Variants in LMBRD1 observed in about 807,000 individuals in gnomAD.
LMBRD1 encodes lysosomal cobalamin transport escort protein LMBD1.
LMBRD1 carries 64 observed loss-of-function variants against 74.8 expected under a neutral mutation model. That is an observed-to-expected ratio of 0.86 (90% CI 0.70 to 1.05). The LOEUF (loss-of-function observed/expected upper bound fraction) is 1.05, where lower values mean the gene tolerates loss of function less well. Among genes scored for constraint, LMBRD1 ranks in the 50% least tolerant of loss-of-function variants. The pLI is 0.00. For missense variants in LMBRD1, 652 were observed against 645.9 expected (o/e 1.01, Z -0.10); for synonymous variants, 204 against 216.3 (o/e 0.94, Z 0.50).
intron 5 of LMBRD1, among the ~76,000 whole-genome samples, chr6:69,745,569 A>C (rs1582115679): frequency 6.6e-6 from 1 of 152,296 alleles, no homozygotes; most frequent in Non-Finnish European, 1.5e-5. Flanking sequence ...AAAATTTCTT[A>C]AACATGGCAT....
chr6:69,762,478 C>T (rs753122830), intron 3 of LMBRD1, among the ~76,000 whole-genome samples: 1 of 151,388 alleles, frequency 6.6e-6, no homozygotes, highest in Non-Finnish European at 1.5e-5. Context: ...AAGGAAGTTA[C>T]AAACTGTTTT....
intron 7 of LMBRD1, among the ~76,000 whole-genome samples, chr6:69,736,204 C>T (rs773940658): frequency 8.5e-5 from 13 of 152,230 alleles, no homozygotes; most frequent in Non-Finnish European, 1.9e-4. Flanking sequence ...CCCCCTCCGC[C>T]GACCCACCAC....
At chr6:69,731,775 A>G (rs1766863812) in intron 7 of LMBRD1, among the ~76,000 whole-genome samples, 1 of 152,120 alleles carries the variant, frequency 6.6e-6, no homozygotes, top group South Asian at 2.1e-4. Context: ...TCAACTTACG[A>G]TGGATTTAAC....
Position 69,675,841 on chromosome 6 carries a change from G to C in LMBRD1, c.*317C>G, listed in dbSNP as rs1223209581. 4 of 293,798 alleles carry C rather than the reference G, an allele frequency of 1.4e-5. No individual in the cohort carries two copies. In the East Asian group the frequency reaches 3.2e-4, roughly 24 times the overall value. The allele number at this position is 293,798 out of a possible 1,614,324, so 18.2% of individuals were successfully genotyped here. A position where few individuals can be genotyped will look rare whatever the true frequency, so the allele number is the denominator to read the frequency against. ...AGATGATTTATTATGTTTTCAAAAA[G>C]TGACAAAAGGGAATATTAATTCTGG... is the stretch of plus-strand genomic sequence containing the variant. On this transcript the variant is annotated 3_prime_UTR_variant, in exon 16 of 16. Transcript: ENST00000649934.
chr6:69,688,036 T>C (rs2149838053), intron 14 of LMBRD1, among the ~76,000 whole-genome samples: 1 of 152,236 alleles, frequency 6.6e-6, no homozygotes, highest in African/African-American at 2.4e-5. Context: ...AGGAGCAATC[T>C]AGCACCATTT....
At chr6:69,771,714 T>C (rs983318024) in intron 3 of LMBRD1, among the ~76,000 whole-genome samples, 1 of 152,166 alleles carries the variant, frequency 6.6e-6, no homozygotes, top group African/African-American at 2.4e-5. Context: ...CTGAATTACA[T>C]GGGAAGCTAC....
At chr6:69,778,802 T>C (rs1487265748) in intron 3 of LMBRD1, among the ~76,000 whole-genome samples, 1 of 152,166 alleles carries the variant, frequency 6.6e-6, no homozygotes, top group Non-Finnish European at 1.5e-5. Context: ...TGAAATTTCA[T>C]AAATACTAAA....
At chr6:69,754,439 G>A (rs1190618751) in intron 3 of LMBRD1, among the ~76,000 whole-genome samples, 1 of 152,098 alleles carries the variant, frequency 6.6e-6, no homozygotes, top group Non-Finnish European at 1.5e-5. Flanking sequence ...CCTACTACAT[G>A]CAATACAGAT....
chr6:69,750,289 GCT>G (rs1765098171), intron 4 of LMBRD1, among the ~76,000 whole-genome samples: 1 of 151,628 alleles, frequency 6.6e-6, no homozygotes, highest in African/African-American at 2.4e-5. Flanking sequence ...ACATAAGGAA[GCT>G]TAAGTCCAGA....
chr6:69,780,600 G>A, intron 2 of LMBRD1, 46 bp from the exon 3 acceptor site: 2 of 1,427,708 alleles, frequency 1.4e-6, no homozygotes, highest in Non-Finnish European at 2.0e-6. Flanking sequence ...ACACCCATTT[G>A]CCTAACAATT....
chr6:69,703,240 C>A (rs995641002), intron 9 of LMBRD1, among the ~76,000 whole-genome samples: 1 of 151,862 alleles, frequency 6.6e-6, no homozygotes, highest in African/African-American at 2.4e-5. Flanking sequence ...TTTTTTTCTA[C>A]TGGATTCAGG....
chr6:69,681,050 A>G (rs910027670), intron 14 of LMBRD1, among the ~76,000 whole-genome samples: 1 of 152,110 alleles, frequency 6.6e-6, no homozygotes. Flanking sequence ...TATTCCAGAA[A>G]CTTCTGACTG....
At chr6:69,765,667 T>TTTATTA (rs1373224176) in intron 3 of LMBRD1, among the ~76,000 whole-genome samples, 1 of 152,170 alleles carries the variant, frequency 6.6e-6, no homozygotes, top group African/African-American at 2.4e-5. Context: ...TCTGTGTGAC[T>TTTATTA]TTAATAGAGG....
chr6:69,696,526 T>C (rs1389339974), intron 14 of LMBRD1, among the ~76,000 whole-genome samples: 1 of 152,146 alleles, frequency 6.6e-6, no homozygotes, highest in Admixed American at 6.5e-5. Context: ...ACAAAACCAA[T>C]GTTTCAAACT....
rs764620305 is a variant in LMBRD1 at position 69,749,358 on chromosome 6, T to C, written c.456A>G (p.Ala152=). The C allele has an allele frequency of 1.1e-5, 17 of 1,611,384 alleles. No homozygotes were observed. The highest frequency in any genetic ancestry group is 1.3e-5 in the African/African-American group (1 of 74,742). ...AGACTTACCCAACTAAAAGAAGCAGTGCACAAATCACAACAAATCCCAAAG... is the reference window on the plus strand; with the variant it reads ...AGACTTACCCAACTAAAAGAAGCAGCGCACAAATCACAACAAATCCCAAAG... ...KYTLGFVVIC[A]LLLLVGAFVP... is the part of the protein sequence containing the mutation. Residue 152 remains alanine (A), a synonymous_variant, in exon 5 of 16, where the codon GCA becomes GCG. Coordinates refer to ENST00000649934, the MANE Select transcript of LMBRD1 (RefSeq NM_018368.4).
rs1766072200 is a variant in LMBRD1, at chr6:69,699,157, T to A, written c.1224A>T (p.Gln408His). 6.2e-7 allele frequency: 1 copy of A among 1,612,020 alleles called. No homozygotes were observed. Among genetic ancestry groups the A allele is most frequent in the African/African-American group, 1.3e-5 (1 of 74,942 alleles). ...YKIRRGRTRP[Q>H]ALLFLCMILL... ...GTATCATGCAGAGAAAAAGGAGTGC[T>A]TGGGGCCTGGTTCTACCTCTTCTGA... The change falls in exon 13 of 16, where the codon CAA becomes CAT. Residue 408 changes from glutamine to histidine, a missense_variant. Physicochemically the swap from Gln to His is conservative, Grantham distance 24 (BLOSUM62 0). Transcript: ENST00000649934.
Position 69,737,987 on chromosome 6 carries a change from G to C in LMBRD1, c.591C>G (p.Ile197Met), listed in dbSNP as rs751924862. 6.2e-7 allele frequency: 1 copy of C among 1,610,248 alleles called. No homozygotes were observed. Among genetic ancestry groups the C allele is most frequent in the Non-Finnish European group, 8.5e-7 (1 of 1,177,696 alleles). ...ACATTCCAATCAAGGTCAGAGAACT[G>C]ATAGAAAATGACAATGCAGCTAAAC... ...SHGLAALSFS[I>M]SSLTLIGMLA... is the part of the protein sequence containing the mutation. Residue 197 changes from isoleucine to methionine, a missense_variant, in exon 7 of 16, where the codon ATC (isoleucine) becomes ATG (methionine). By Grantham distance (10) the Ile-to-Met change is conservative. Transcript: ENST00000649934.
intron 3 of LMBRD1, among the ~76,000 whole-genome samples, chr6:69,758,948 A>G (rs1048821073): frequency 2.0e-5 from 3 of 152,064 alleles, no homozygotes; most frequent in Admixed American, 2.0e-4. Context: ...TTCCCCTAAT[A>G]GGGTCAATCA....
In LMBRD1 at chr6:69,679,057, C is replaced by A. The variant is rs9346330; in HGVS notation, c.1418-2516G>T. 7.2e-3 allele frequency among the ~76,000 whole-genome samples: 926 copies of A among 128,508 alleles called. 10 individuals are homozygous for A. The highest frequency in any genetic ancestry group is 0.019 in the African/African-American group (743 of 38,662). The allele number at this position is 128,508 out of a possible 152,430, so 84.3% of individuals were successfully genotyped here. A position where few individuals can be genotyped will look rare whatever the true frequency, so the allele number is the denominator to read the frequency against. ...TCTGGTTAAAACAAAAAAAAAAAAA[C>A]AAAAACAAACAAACAAAAAAAATCA... On this transcript the variant is annotated intron_variant, in intron 14 of 15. Transcript: ENST00000649934.
Sources: allele counts gnomAD v4.1 joint callset (sites outside exome capture counted in the v4.1 genomes callset), GRCh38; gene constraint gnomAD v4.1.1; transcripts MANE v1.5; gene names NCBI Gene and HGNC (gene_info 2026-07-23, HGNC 2026-07-21).